The following NRXN3 variants were observed in gnomAD, a reference collection of about 807,000 sequenced individuals.
The protein encoded by NRXN3 is neurexin III.
Under a neutral mutation model 137.6 loss-of-function variants are expected in NRXN3, and 32 were observed. The ratio of observed to expected loss-of-function variants is 0.23; its 90% confidence interval spans 0.18 to 0.31. The LOEUF (loss-of-function observed/expected upper bound fraction) is 0.31, where lower values mean the gene tolerates loss of function less well. NRXN3 is among the 10% of genes least tolerant of loss of function. The pLI is 1.00. For synonymous variants in NRXN3, 798 were observed against 784.5 expected (o/e 1.02, Z -0.29); for missense variants, 1,574 against 2,062.5 (o/e 0.76, Z 4.59).
intron 16 of NRXN3, among the ~76,000 whole-genome samples, chr14:79,550,518 C>T (rs1601969049): frequency 2.0e-5 from 3 of 152,106 alleles, no homozygotes; most frequent in African/African-American, 7.2e-5. Flanking sequence ...GATGTGTCTT[C>T]AACACTGAAT....
chr14:78,705,966 C>T (rs1029789191), intron 6 of NRXN3, among the ~76,000 whole-genome samples: 1 of 152,210 alleles, frequency 6.6e-6, no homozygotes, highest in Non-Finnish European at 1.5e-5. Flanking sequence ...CACCTTCTCT[C>T]CCAGTCTCAG....
intron 8 of NRXN3, among the ~76,000 whole-genome samples, chr14:78,724,357 A>G (rs1398045351): frequency 6.6e-6 from 1 of 152,256 alleles, no homozygotes; most frequent in Non-Finnish European, 1.5e-5. Flanking sequence ...GTAATCAAGA[A>G]TAGAAGTCCC....
At position 79,806,038 on chromosome 14, in the gene NRXN3, T is replaced by C. The variant is rs542152873; in HGVS notation, c.4093+848T>C. ...CCCAGTTGTCTGTTTTGAGACTTAC[T>C]ATAAGTTAAACGTTTATATGTATAT... On this transcript the variant is annotated intron_variant, in intron 20 of 20. Transcript: ENST00000335750. 4.6e-5 allele frequency among the ~76,000 whole-genome samples: 7 copies of C among 152,342 alleles called. No individual in the cohort carries two copies. In the South Asian group the frequency reaches 8.3e-4, roughly 18 times the overall value.
In NRXN3 at chr14:78,784,324, G is replaced by T. The variant is rs116228160; in HGVS notation, c.2045-19296G>T. On this transcript the variant is annotated intron_variant, in intron 8 of 20. Transcript: ENST00000335750. ...AATGCCCAAATGCAAGAACAAATTA[G>T]TATGTTTGTGTTTAAGGAAACAAAA... 2.1e-3 allele frequency among the ~76,000 whole-genome samples: 316 copies of T among 152,286 alleles called. 1 individual carries two copies. Among genetic ancestry groups the T allele is most frequent in the African/African-American group, 7.1e-3 (295 of 41,550 alleles).
chr14:79,590,213 C>G (rs1469156785), intron 16 of NRXN3, among the ~76,000 whole-genome samples: 1 of 151,930 alleles, frequency 6.6e-6, no homozygotes, highest in Non-Finnish European at 1.5e-5. Context: ...GTGGGCAGGT[C>G]TTTCCCATGC....
At chr14:78,853,121 G>T (rs1276097108) in intron 10 of NRXN3, among the ~76,000 whole-genome samples, 3 of 152,044 alleles carry the variant, frequency 2.0e-5, no homozygotes, top group Admixed American at 6.6e-5. Flanking sequence ...ACAACGTGCA[G>T]GTTTGTTACA....
At chr14:78,535,939 T>C (rs2096531552) in intron 4 of NRXN3, among the ~76,000 whole-genome samples, 1 of 152,114 alleles carries the variant, frequency 6.6e-6, no homozygotes. Context: ...TTTATGATAC[T>C]CCCAAGAGAC....
At chr14:78,436,557 G>T (rs2094072982) in intron 4 of NRXN3, among the ~76,000 whole-genome samples, 1 of 152,212 alleles carries the variant, frequency 6.6e-6, no homozygotes, top group Non-Finnish European at 1.5e-5. Context: ...AGTGATGATG[G>T]AAATGTTTTG....
At chr14:79,172,308 A>G (rs1158261638) in intron 15 of NRXN3, among the ~76,000 whole-genome samples, 1 of 152,194 alleles carries the variant, frequency 6.6e-6, no homozygotes, top group Admixed American at 6.5e-5. Context: ...TGGAGAAAAA[A>G]AATTCCTCTT....
rs1365433025 is a variant in NRXN3 at position 79,211,346 on chromosome 14, A to G, written c.3262+223205A>G. On this transcript the variant is annotated intron_variant, in intron 15 of 20. Coordinates refer to ENST00000335750, the MANE Select transcript of NRXN3 (RefSeq NM_001330195.2). ...AATTGTTTTTATTGGGAAGAAATGA[A>G]AATACTTCCTTGCTTAATGTTGGAG... Among the ~76,000 whole-genome samples the G allele has an allele frequency of 4.6e-5, 7 of 152,176 alleles. No homozygotes were observed. The South Asian group carries it at 1.4e-3, about 31-fold the overall frequency.
At chr14:78,845,331 T>C (rs930448282) in intron 10 of NRXN3, among the ~76,000 whole-genome samples, 8 of 152,072 alleles carry the variant, frequency 5.3e-5, no homozygotes, top group Non-Finnish European at 1.0e-4. Flanking sequence ...AGGAGACAAG[T>C]AAAGAAATGT....
At chr14:78,212,703 T>A (rs2062862423) in intron 1 of NRXN3, among the ~76,000 whole-genome samples, 1 of 152,208 alleles carries the variant, frequency 6.6e-6, no homozygotes, top group South Asian at 2.1e-4. Context: ...TTTTGGTGAT[T>A]TTAAGAAGAT....
chr14:78,978,793 A>T (rs993494629), intron 14 of NRXN3, among the ~76,000 whole-genome samples: 1 of 148,850 alleles, frequency 6.7e-6, no homozygotes. Flanking sequence ...TTATTTATAT[A>T]CATATGTATA....
chr14:79,480,185 T>C (rs988177528), intron 16 of NRXN3, among the ~76,000 whole-genome samples: 7 of 152,160 alleles, frequency 4.6e-5, no homozygotes, highest in African/African-American at 1.7e-4. Context: ...ACTTGAAAGG[T>C]AGACCTTCAC....
At chr14:78,434,725 A>G (rs1327998273) in intron 4 of NRXN3, among the ~76,000 whole-genome samples, 1 of 152,192 alleles carries the variant, frequency 6.6e-6, no homozygotes, top group African/African-American at 2.4e-5. Flanking sequence ...TGATGAATAA[A>G]AAGAATACTG....
intron 4 of NRXN3, among the ~76,000 whole-genome samples, chr14:78,562,118 G>T (rs141419125): frequency 6.6e-6 from 1 of 152,062 alleles, no homozygotes; most frequent in African/African-American, 2.4e-5. Context: ...GCTGAGGCAG[G>T]TGGGGCACGA....
At chr14:78,904,214 T>C (rs2099207394) in intron 10 of NRXN3, among the ~76,000 whole-genome samples, 1 of 152,076 alleles carries the variant, frequency 6.6e-6, no homozygotes. Context: ...GCAATTTTTC[T>C]TCTTGGGATA....
intron 4 of NRXN3, among the ~76,000 whole-genome samples, chr14:78,516,328 G>A (rs1475724666): frequency 2.0e-5 from 2 of 100,142 alleles, no homozygotes; most frequent in African/African-American, 3.4e-5. Context: ...CTCTCTAATA[G>A]TTGTTATCCC....
chr14:79,275,740 G>A (rs966760138), intron 15 of NRXN3, among the ~76,000 whole-genome samples: 25 of 150,944 alleles, frequency 1.7e-4, no homozygotes, highest in Admixed American at 2.6e-4. Context: ...ATGGGGGGGG[G>A]GACATTTAAA....
Sources: allele counts gnomAD v4.1 joint callset (sites outside exome capture counted in the v4.1 genomes callset), GRCh38; gene constraint gnomAD v4.1.1; transcripts MANE v1.5; gene names NCBI Gene and HGNC (gene_info 2026-07-23, HGNC 2026-07-21).